MAPK8IP1: variants seen among roughly 807,000 people sequenced by gnomAD.
MAPK8IP1 encodes the protein mitogen-activated protein kinase 8 interacting protein 1, also known as C-Jun-amino-terminal kinase-interacting protein 1.
In MAPK8IP1, 17 loss-of-function variants were observed where a neutral mutation model predicts 72.6. The observed-to-expected ratio is 0.23, with a 90% confidence interval of 0.16 to 0.35. The LOEUF is 0.35. Ranked by LOEUF, MAPK8IP1 falls within the 10% of genes least tolerant of loss-of-function variation. The probability of loss-of-function intolerance (pLI) is 1.00; values close to 1 mark genes in which losing one functional copy is unlikely to be tolerated. For synonymous variants in MAPK8IP1, 401 were observed against 443.4 expected (o/e 0.90, Z 1.20); for missense variants, 789 against 1,009.7 (o/e 0.78, Z 2.96).
chr11:45,889,016 C>T (rs1319543629), intron 1 of MAPK8IP1, among the ~76,000 whole-genome samples: 3 of 152,122 alleles, frequency 2.0e-5, no homozygotes, highest in African/African-American at 7.2e-5. Context: ...TTTTATATTA[C>T]AGGTTGAGTA....
chr11:45,901,404 A>G (rs575440706), intron 3 of MAPK8IP1, among the ~76,000 whole-genome samples: 11 of 152,072 alleles, frequency 7.2e-5, no homozygotes, highest in Non-Finnish European at 1.6e-4. Flanking sequence ...TGGGGGGTGC[A>G]GGAAAACTCT....
Position 45,900,205 on chromosome 11 carries a change from T to C in MAPK8IP1, c.275T>C (p.Leu92Pro). The C allele has an allele frequency of 1.3e-5, 17 of 1,324,660 alleles. No individual in the cohort carries two copies. Among genetic ancestry groups the C allele is most frequent in the Non-Finnish European group, 1.6e-5 (17 of 1,044,948 alleles). 82.1% of individuals were successfully genotyped at this position (1,324,660 alleles called of 1,614,324 possible). A position where few individuals can be genotyped will look rare whatever the true frequency, so the allele number is the denominator to read the frequency against. ...GGGAGCCGGTTGCAGGCCGAGATGC[T>C]GCAGATGGACCTGATCGACGCGACG... ...GAGSRLQAEMLQMDLIDATGD... is the reference protein window; with the variant it reads ...GAGSRLQAEMPQMDLIDATGD... The change falls in exon 3 of 12, where the codon CTG becomes CCG. Residue 92 changes from leucine to proline, a missense_variant. Coordinates refer to ENST00000241014, the MANE Select transcript of MAPK8IP1 (RefSeq NM_005456.4). The surrounding 1 kb of genome is among the most constrained non-coding windows in gnomAD (Gnocchi z 6.5).
intron 1 of MAPK8IP1, among the ~76,000 whole-genome samples, chr11:45,897,666 T>C (rs1373847472): frequency 6.6e-6 from 1 of 152,208 alleles, no homozygotes; most frequent in Non-Finnish European, 1.5e-5. Flanking sequence ...CCTCGGGTCT[T>C]GCTACTGCAG....
In MAPK8IP1 at chr11:45,904,301, A is replaced by G; in HGVS notation, c.1666+140A>G. ...GTGATTTTAGGTCCTTTTCACGATC[A>G]AGCAAAGTGAGGCCCGGCCAAGTTG... is the stretch of plus-strand genomic sequence containing the variant. On this transcript the variant is annotated intron_variant, in intron 7 of 11. Transcript: ENST00000241014. This position sits in a 1 kb window ranked among gnomAD's most constrained non-coding sequence, Gnocchi z 6.4. 1 of 1,243,372 alleles carries G rather than the reference A, an allele frequency of 8.0e-7. No individual in the cohort carries two copies. Among genetic ancestry groups the G allele is most frequent in the East Asian group, 2.5e-5 (1 of 39,616 alleles). The allele number at this position is 1,243,372 out of a possible 1,614,324, so 77.0% of individuals were successfully genotyped here. A position where few individuals can be genotyped will look rare whatever the true frequency, so the allele number is the denominator to read the frequency against.
intron 1 of MAPK8IP1, among the ~76,000 whole-genome samples, 178 bp from the exon 2 acceptor site, chr11:45,897,907 C>T (rs1178421877): frequency 6.6e-6 from 1 of 152,184 alleles, no homozygotes; most frequent in African/African-American, 2.4e-5. Flanking sequence ...TTGGCACAAG[C>T]CCCTCGCTCT....
chr11:45,900,074 CG>C lies in MAPK8IP1; in HGVS notation c.208-62del. On this transcript the variant is annotated intron_variant, in intron 2 of 11. Transcript: ENST00000241014. This position sits in a 1 kb window ranked among gnomAD's most constrained non-coding sequence, Gnocchi z 6.5. ...AGAATGGACTCGCCCGGGCGGGGGG[CG>C]GTGCAAGCGGCCTCGGCCCCGCCCC... 2.0e-6 allele frequency: 2 copies of C among 1,010,998 alleles called. No homozygotes were observed. 62.6% of individuals were successfully genotyped at this position (1,010,998 alleles called of 1,614,324 possible).
In MAPK8IP1 at chr11:45,904,014, C is replaced by G; in HGVS notation, c.1519C>G (p.Leu507Val). The G allele has an allele frequency of 6.2e-7, 1 of 1,613,810 alleles. No homozygotes were observed. Among genetic ancestry groups the G allele is most frequent in the Non-Finnish European group, 8.5e-7 (1 of 1,180,002 alleles). Reference protein sequence around the residue: ...FRFVPRHEDELELEVDDPLLV... With the variant: ...FRFVPRHEDEVELEVDDPLLV... ...GTTTGTGCCTCGACACGAAGACGAACTTGAGCTGGAAGTGGATGACCCTCT... is the reference window on the plus strand; with the variant it reads ...GTTTGTGCCTCGACACGAAGACGAAGTTGAGCTGGAAGTGGATGACCCTCT... Residue 507 changes from leucine (L) to valine (V), a missense_variant, in exon 7 of 12, where the codon CTT (leucine) becomes GTT (valine). Physicochemically the swap from Leu to Val is conservative, Grantham distance 32. Transcript: ENST00000241014. The surrounding 1 kb of genome is among the most constrained non-coding windows in gnomAD (Gnocchi z 6.4).
chr11:45,898,603 C>A (rs1463795547), intron 2 of MAPK8IP1, among the ~76,000 whole-genome samples: 1 of 152,132 alleles, frequency 6.6e-6, no homozygotes, highest in Non-Finnish European at 1.5e-5. Flanking sequence ...TGCTTTAGGG[C>A]AGGAAGAAAC....
rs765117684 is a variant in MAPK8IP1, at chr11:45,904,575, C to A, written c.1776+11C>A. On this transcript the variant is annotated intron_variant, in intron 8 of 11. Coordinates refer to ENST00000241014, the MANE Select transcript of MAPK8IP1 (RefSeq NM_005456.4). The surrounding 1 kb of genome is among the most constrained non-coding windows in gnomAD (Gnocchi z 6.4). ...GCTGCTATGCAAAAGGTACCTGAGCCCTCTCCCTTCTCCTCCCTTGGATGG... is the reference window on the plus strand; with the variant it reads ...GCTGCTATGCAAAAGGTACCTGAGCACTCTCCCTTCTCCTCCCTTGGATGG... 6.2e-7 allele frequency: 1 copy of A among 1,612,940 alleles called. No homozygotes were observed.
chr11:45,892,045 G>A (rs974961732), intron 1 of MAPK8IP1, among the ~76,000 whole-genome samples: 1 of 152,218 alleles, frequency 6.6e-6, no homozygotes, highest in Admixed American at 6.5e-5. Flanking sequence ...CCGCAAGTGG[G>A]GTTGTCCCTC....
intron 3 of MAPK8IP1, among the ~76,000 whole-genome samples, chr11:45,901,215 G>T (rs1011050427): frequency 6.6e-5 from 10 of 152,126 alleles, no homozygotes; most frequent in East Asian, 1.9e-4. Context: ...GCTCAGGAAC[G>T]TGAGGGCTTG....
At chr11:45,896,583 C>T in intron 1 of MAPK8IP1, 1 of 1,280,106 alleles carries the variant, frequency 7.8e-7, no homozygotes, top group African/African-American at 1.5e-5. Context: ...AGGGAGGCGG[C>T]CACAGCGGCA....
intron 1 of MAPK8IP1, chr11:45,896,812 C>T (rs565093636): frequency 9.1e-6 from 14 of 1,545,498 alleles, no homozygotes; most frequent in Non-Finnish European, 1.2e-5. Context: ...GCCCTGGCCC[C>T]CCCACCCTTC....
chr11:45,900,124 C>A lies in MAPK8IP1; in HGVS notation c.208-14C>A. 3 of 1,233,582 alleles carry A rather than the reference C, an allele frequency of 2.4e-6. No individual in the cohort carries two copies. Among genetic ancestry groups the A allele is most frequent in the South Asian group, 3.4e-5 (1 of 29,440 alleles). 76.4% of individuals were successfully genotyped at this position (1,233,582 alleles called of 1,614,324 possible). ...CCGGCCCCGCCCCCTGACGCCCCTCCGTGCGCTGTGCAGCCCCCGCGCGCC... is the reference window on the plus strand; with the variant it reads ...CCGGCCCCGCCCCCTGACGCCCCTCAGTGCGCTGTGCAGCCCCCGCGCGCC... On this transcript the variant is annotated splice_polypyrimidine_tract_variant and intron_variant, in intron 2 of 11. Transcript: ENST00000241014. The surrounding 1 kb of genome is among the most constrained non-coding windows in gnomAD (Gnocchi z 6.5).
chr11:45,897,398 C>T (rs2086617135), intron 1 of MAPK8IP1, among the ~76,000 whole-genome samples: 1 of 152,172 alleles, frequency 6.6e-6, no homozygotes, highest in South Asian at 2.1e-4. Context: ...GTTGTAACAC[C>T]TCTGGTCCCA....
chr11:45,888,058 C>T (rs143143405), intron 1 of MAPK8IP1, among the ~76,000 whole-genome samples: 1 of 152,314 alleles, frequency 6.6e-6, no homozygotes, highest in East Asian at 1.9e-4. Flanking sequence ...CTCTGAGATG[C>T]CAGCACTGGC....
rs1454364343 is a variant in MAPK8IP1, at chr11:45,902,393, A to G, written c.626A>G (p.Glu209Gly). 1 of 1,573,390 alleles carries G rather than the reference A, an allele frequency of 6.4e-7. No individual in the cohort carries two copies. The change falls in exon 5 of 12, where the codon GAA becomes GGA. Residue 209 changes from glutamate to glycine, a missense_variant. Physicochemically the swap from Glu to Gly is moderately conservative, Grantham distance 98. Around this residue, in one of 4 missense-constraint regions of MAPK8IP1, gnomAD observed 377 missense variants for 411.7 expected, o/e 0.92. Coordinates refer to ENST00000241014, the MANE Select transcript of MAPK8IP1 (RefSeq NM_005456.4). This position sits in a 1 kb window ranked among gnomAD's most constrained non-coding sequence, Gnocchi z 9.3. ...CCAGGGGAGCAGACACCACCGCATG[A>G]ACACATCTGCCTGAGCGATGAGCTG... ...LKTGEQTPPH[E>G]HICLSDELPP... is the part of the protein sequence containing the mutation.
chr11:45,897,983 T>C, intron 1 of MAPK8IP1, 102 bp from the exon 2 acceptor site: 1 of 725,480 alleles, frequency 1.4e-6, no homozygotes, highest in Non-Finnish European at 2.5e-6. Context: ...CTCTGGGGGC[T>C]GTGTTTGGCC....
intron 1 of MAPK8IP1, among the ~76,000 whole-genome samples, chr11:45,888,792 T>G (rs1036383512): frequency 1.3e-5 from 2 of 152,090 alleles, no homozygotes; most frequent in African/African-American, 4.8e-5. Context: ...CTCTGTATTC[T>G]GGGTTCAAGC....
Sources: gnomAD v4.1 joint callset for allele counts (sites outside exome capture counted in the v4.1 genomes callset) on GRCh38, gnomAD v4.1.1 for gene constraint, gnomAD v4.1.1 regional missense constraint, Gnocchi (gnomAD v3.1) non-coding constraint, MANE v1.5 for transcripts, NCBI Gene and HGNC (gene_info 2026-07-23, HGNC 2026-07-21) for gene names.